The following ZBTB37 variants were observed in gnomAD, a reference collection of about 807,000 sequenced individuals.
The protein encoded by ZBTB37 is zinc finger and BTB domain containing 37, also known as zinc finger and BTB domain-containing protein 37.
In ZBTB37, 15 loss-of-function variants were observed where a neutral mutation model predicts 37.7. The observed-to-expected ratio is 0.40, with a 90% CI of 0.27 to 0.61. ZBTB37 has a LOEUF of 0.61. ZBTB37 is among the 20% of genes least tolerant of loss of function. The pLI is 0.44. For synonymous variants in ZBTB37, 231 were observed against 220.6 expected, an observed-to-expected ratio of 1.05 and a Z score of -0.42; for missense variants, 514 against 641.9, an observed-to-expected ratio of 0.80 and a Z score of 2.15.
At chr1:173,884,153 A>ATT (rs1246346820) in intron 4 of ZBTB37, among the ~76,000 whole-genome samples, 2 of 141,898 alleles carry the variant, frequency 1.4e-5, no homozygotes. Flanking sequence ...AAATCCAAAG[A>ATT]TTTTTTTTTT....
At chr1:173,874,084 C>T (rs184093955) in intron 4 of ZBTB37, among the ~76,000 whole-genome samples, 2 of 151,786 alleles carry the variant, frequency 1.3e-5, no homozygotes, top group Non-Finnish European at 1.5e-5. Context: ...GGAGAAAACC[C>T]GTCTCTACTA....
chr1:173,885,826 T>C, exon 5 of ZBTB37: 2 of 1,551,870 alleles, frequency 1.3e-6, no homozygotes, highest in Non-Finnish European at 1.7e-6. Flanking sequence ...GTCTGCCGCA[T>C]GTGTGGCAAG....
intron 3 of ZBTB37, among the ~76,000 whole-genome samples, chr1:173,872,525 G>GTC (rs1655644601): frequency 6.6e-6 from 1 of 151,930 alleles, no homozygotes; most frequent in Non-Finnish European, 1.5e-5. Context: ...TTTGAGTATT[G>GTC]TCTTCCTGTG....
At chr1:173,883,427 C>T (rs148322209) in intron 4 of ZBTB37, among the ~76,000 whole-genome samples, 10 of 152,114 alleles carry the variant, frequency 6.6e-5, no homozygotes, top group East Asian at 5.8e-4. Flanking sequence ...TGTGATGAGC[C>T]GAGATTGCAC....
chr1:173,889,327 A>G (rs773140581), downstream of ZBTB37: 2 of 152,230 alleles, frequency 1.3e-5, no homozygotes, highest in African/African-American at 4.8e-5. Context: ...CCTCTTAAGG[A>G]TGTACTAAAT....
Position 173,878,756 on chromosome 1 carries a change from C to T in ZBTB37, c.1023+5190C>T, listed in dbSNP as rs147089358. Among the ~76,000 whole-genome samples the T allele has an allele frequency of 3.3e-5, 5 of 152,264 alleles. No individual in the cohort carries two copies. The East Asian group carries it at 9.6e-4, about 29-fold the overall frequency. On this transcript the variant is annotated intron_variant, in intron 4 of 4. Coordinates refer to ENST00000427304, the Ensembl canonical transcript of ZBTB37. Reference sequence around the variant, plus strand: ...GCTACTTTGACATAAATTTCTTACACCTGTATAAAAGTTCTTGAGTGACTT... The same window carrying T: ...GCTACTTTGACATAAATTTCTTACATCTGTATAAAAGTTCTTGAGTGACTT...
chr1:173,876,225 A>G (rs1167719180), intron 4 of ZBTB37, among the ~76,000 whole-genome samples: 1 of 152,144 alleles, frequency 6.6e-6, no homozygotes, highest in African/African-American at 2.4e-5. Flanking sequence ...TTTAAAAAGT[A>G]AACACTGTTG....
chr1:173,878,040 C>T (rs994275023), intron 4 of ZBTB37, among the ~76,000 whole-genome samples: 3 of 152,204 alleles, frequency 2.0e-5, no homozygotes, highest in African/African-American at 4.8e-5. Flanking sequence ...CATTCACTGT[C>T]TCAAACAGAT....
At chr1:173,868,554 C>T (rs1655187566) in intron 1 of ZBTB37, 149 bp downstream of exon 1, 1 of 152,906 alleles carries the variant, frequency 6.5e-6, no homozygotes, top group African/African-American at 2.4e-5. Context: ...GGGCGACCTT[C>T]CACCCCCTTG....
chr1:173,896,594 G>T lies in ZBTB37; in HGVS notation c.*10470G>T, dbSNP rs1657057615. 3 of 152,154 alleles carry T rather than the reference G, an allele frequency of 2.0e-5. No homozygotes were observed. The South Asian group carries it at 6.2e-4, about 32-fold the overall frequency. The allele number at this position is 152,154 out of a possible 1,614,324, so 9.4% of individuals were successfully genotyped here. ...AGAGAGAACAAAGCCAGAAAAAGGGGAACCTTGTAGATTGACCAAATATTT... is the reference window on the plus strand; with the variant it reads ...AGAGAGAACAAAGCCAGAAAAAGGGTAACCTTGTAGATTGACCAAATATTT... On this transcript the variant is annotated 3_prime_UTR_variant, in exon 4 of 4. Transcript: ENST00000367701.
chr1:173,874,918 T>G lies in ZBTB37; in HGVS notation c.1023+1352T>G, dbSNP rs577152248. On this transcript the variant is annotated intron_variant, in intron 4 of 4. Coordinates refer to ENST00000427304, the Ensembl canonical transcript of ZBTB37. ...TATTTGATTACTTTTTTTTTAAAAT[T>G]CTTGCTTGTGGGCGTGCAGGAAAAT... is the stretch of plus-strand genomic sequence containing the variant. 5.9e-5 allele frequency among the ~76,000 whole-genome samples: 9 copies of G among 152,268 alleles called. No homozygotes were observed. The South Asian group carries it at 1.9e-3, about 32-fold the overall frequency.
chr1:173,891,931 GTAAC>G (rs1656859091), exon 4 of ZBTB37: 1 of 152,180 alleles, frequency 6.6e-6, no homozygotes, highest in Non-Finnish European at 1.5e-5. Flanking sequence ...GTTCAAGTGA[GTAAC>G]TAGCTTTCTA....
exon 4 of ZBTB37, chr1:173,899,490 A>G (rs1456161167): frequency 6.6e-6 from 1 of 152,234 alleles, no homozygotes; most frequent in Non-Finnish European, 1.5e-5. Flanking sequence ...TGTTAAATCC[A>G]TAAATCTGGA....
At chr1:173,879,595 T>G (rs1358871138) in intron 4 of ZBTB37, among the ~76,000 whole-genome samples, 3 of 152,148 alleles carry the variant, frequency 2.0e-5, no homozygotes, top group Non-Finnish European at 4.4e-5. Flanking sequence ...CAAAGATGTT[T>G]TGGCTATTTT....
chr1:173,893,473 A>G (rs576541759), exon 4 of ZBTB37: 3 of 152,326 alleles, frequency 2.0e-5, no homozygotes, highest in South Asian at 2.1e-4. Flanking sequence ...TTTAGACATG[A>G]TGTGTCTTCC....
At chr1:173,901,681 C>G (rs570068493) in exon 4 of ZBTB37, 5 of 152,354 alleles carry the variant, frequency 3.3e-5, no homozygotes, top group African/African-American at 1.2e-4. Flanking sequence ...GTGTGAGCCA[C>G]TGTGCTTGGC....
chr1:173,890,337 C>G (rs971110630), downstream of ZBTB37: 1 of 152,126 alleles, frequency 6.6e-6, no homozygotes, highest in Non-Finnish European at 1.5e-5. Flanking sequence ...GGAAACTGAA[C>G]AAAGACAAAA....
At chr1:173,875,317 C>T (rs1004285766) in intron 4 of ZBTB37, among the ~76,000 whole-genome samples, 21 of 122,050 alleles carry the variant, frequency 1.7e-4, no homozygotes, top group African/African-American at 8.9e-4. Context: ...TATATGTGTG[C>T]ATATATATAT....
chr1:173,890,169 T>C (rs1028271559), downstream of ZBTB37: 3 of 152,234 alleles, frequency 2.0e-5, no homozygotes, highest in South Asian at 4.1e-4. Flanking sequence ...GCTGTAAATG[T>C]CATTCTTAAT....
Sources: allele counts gnomAD v4.1 joint callset (sites outside exome capture counted in the v4.1 genomes callset), GRCh38; gene constraint gnomAD v4.1.1; transcripts MANE v1.5; gene names NCBI Gene and HGNC (gene_info 2026-07-23, HGNC 2026-07-21).